The following EPHB2 variants were observed in gnomAD, a reference collection of about 807,000 sequenced individuals.
The protein encoded by EPHB2 is EPH receptor B2.
Under a neutral mutation model 96.4 loss-of-function variants are expected in EPHB2, and 18 were observed. The ratio of observed to expected loss-of-function variants is 0.19; its 90% CI spans 0.13 to 0.28. EPHB2 has a LOEUF of 0.28. Ranked by LOEUF, EPHB2 falls within the 10% of genes least tolerant of loss-of-function variation. The probability of loss-of-function intolerance (pLI) is 1.00; values close to 1 mark genes in which losing one functional copy is unlikely to be tolerated. For missense variants in EPHB2, 989 were observed against 1,355.4 expected (o/e 0.73, Z 4.25); for synonymous variants, 506 against 534.1 (o/e 0.95, Z 0.72).
At chr1:22,770,264 G>A (rs1166494445) in intron 1 of EPHB2, among the ~76,000 whole-genome samples, 1 of 152,130 alleles carries the variant, frequency 6.6e-6, no homozygotes, top group Non-Finnish European at 1.5e-5. Flanking sequence ...TGGATGGTTG[G>A]AAAGATAGAT....
At chr1:22,782,504 G>T (rs949623358) in intron 2 of EPHB2, among the ~76,000 whole-genome samples, 1 of 150,974 alleles carries the variant, frequency 6.6e-6, no homozygotes, top group African/African-American at 2.4e-5. Context: ...GGGCCCCAGG[G>T]TCAGGCCGCT....
At chr1:22,748,221 T>G (rs1421699340) in intron 1 of EPHB2, among the ~76,000 whole-genome samples, 1 of 152,228 alleles carries the variant, frequency 6.6e-6, no homozygotes, top group African/African-American at 2.4e-5. Flanking sequence ...AAGCACTCAG[T>G]AAGTTTGGCT....
chr1:22,746,697 T>A (rs750365590), intron 1 of EPHB2, among the ~76,000 whole-genome samples: 1 of 152,222 alleles, frequency 6.6e-6, no homozygotes, highest in Non-Finnish European at 1.5e-5. Flanking sequence ...AATCCTGACC[T>A]CCTTCTGCAC....
Position 22,784,400 on chromosome 1 carries a change from G to C in EPHB2, c.135G>C (p.Glu45Asp). Residue 45 changes from glutamate to aspartate, a missense_variant, in exon 3 of 16, where the codon GAG becomes GAC. By Grantham distance (45) the Glu-to-Asp change is conservative. Transcript: ENST00000374630. The surrounding 1 kb of genome is among the most constrained non-coding windows in gnomAD (Gnocchi z 5.1). ...WMVHPPSGWE[E>D]VSGYDENMNT... ...GAGCATTTTACCCACAGTGGGAAGA[G>C]GTGAGTGGCTACGATGAGAACATGA... 1 of 1,614,150 alleles carries C rather than the reference G, an allele frequency of 6.2e-7. No individual in the cohort carries two copies. Among genetic ancestry groups the C allele is most frequent in the Non-Finnish European group, 8.5e-7 (1 of 1,180,036 alleles).
At chr1:22,853,619 T>A (rs1455959715) in intron 3 of EPHB2, among the ~76,000 whole-genome samples, 1 of 152,102 alleles carries the variant, frequency 6.6e-6, no homozygotes, top group African/African-American at 2.4e-5. Flanking sequence ...AGGAGCTGGG[T>A]GGGAGCTGGG....
intron 6 of EPHB2, among the ~76,000 whole-genome samples, chr1:22,886,620 CT>C (rs869229952): frequency 0.046 from 4,442 of 96,152 alleles, 192 homozygotes; most frequent in African/African-American, 0.16. Context: ...CCAGCAGAGT[CT>C]TTTTTTTTTT....
At chr1:22,762,395 G>A (rs1007370043) in intron 1 of EPHB2, among the ~76,000 whole-genome samples, 1 of 152,192 alleles carries the variant, frequency 6.6e-6, no homozygotes, top group Non-Finnish European at 1.5e-5. Flanking sequence ...GTGGCAGAAA[G>A]GAAGGTAGCC....
rs962838493 is a variant in EPHB2 at position 22,883,180 on chromosome 1, C to T, written c.1428+697C>T. The stretch of plus-strand genomic sequence containing the variant: ...TGTCGAGTGTGGGTGAGACCCCTCG[C>T]GGGGAGCTATGCAGGTTACGGAGAA... On this transcript the variant is annotated intron_variant, in intron 6 of 15. Transcript: ENST00000374630. Among the ~76,000 whole-genome samples, 7 of 152,224 alleles carry T rather than the reference C, an allele frequency of 4.6e-5. 1 individual carries two copies. Among genetic ancestry groups the T allele is most frequent in the African/African-American group, 7.2e-5 (3 of 41,462 alleles).
intron 3 of EPHB2, among the ~76,000 whole-genome samples, chr1:22,794,350 A>T (rs1358876764): frequency 6.6e-6 from 1 of 152,088 alleles, no homozygotes; most frequent in African/African-American, 2.4e-5. Flanking sequence ...CAGTCCCAGG[A>T]CGAAGGCTCG....
intron 1 of EPHB2, among the ~76,000 whole-genome samples, chr1:22,716,657 C>A (rs895794521): frequency 2.0e-5 from 3 of 152,182 alleles, no homozygotes; most frequent in Non-Finnish European, 4.4e-5. Flanking sequence ...ATTCTATGGG[C>A]CAGTTTGCTG....
At chr1:22,815,540 C>T (rs1187377926) in intron 3 of EPHB2, among the ~76,000 whole-genome samples, 1 of 152,200 alleles carries the variant, frequency 6.6e-6, no homozygotes, top group Non-Finnish European at 1.5e-5. Flanking sequence ...TGGGTGCAGC[C>T]AGCCCACGCT....
intron 1 of EPHB2, among the ~76,000 whole-genome samples, chr1:22,724,568 TA>T (rs1277001289): frequency 6.6e-6 from 1 of 152,228 alleles, no homozygotes; most frequent in Non-Finnish European, 1.5e-5. Flanking sequence ...AGAAGTTAAA[TA>T]ACTCGTTGCA....
chr1:22,763,078 C>T lies in EPHB2; in HGVS notation c.62-18343C>T, dbSNP rs567953015. Among the ~76,000 whole-genome samples, 8 of 152,258 alleles carry T rather than the reference C, an allele frequency of 5.3e-5. No homozygotes were observed. The South Asian group carries it at 1.0e-3, about 20-fold the overall frequency. On this transcript the variant is annotated intron_variant, in intron 1 of 15. Coordinates refer to ENST00000374630, the MANE Select transcript of EPHB2 (RefSeq NM_017449.5). ...CCCTGGATCCACACAGCTAGGCCCA[C>T]GCAGGGGTTCCCTGCCAGGATCTGA... is the stretch of plus-strand genomic sequence containing the variant.
chr1:22,864,960 G>A lies in EPHB2; in HGVS notation c.1051G>A (p.Gly351Arg), dbSNP rs918290908. Residue 351 changes from glycine (G) to arginine (R), a missense_variant, in exon 5 of 16, where the codon GGA becomes AGA. Physicochemically the swap from Gly to Arg is moderately radical, Grantham distance 125 (BLOSUM62 -2). Coordinates refer to ENST00000374630, the MANE Select transcript of EPHB2 (RefSeq NM_017449.5). ...GGAGTGGACCCCTCCCCGCGACTCC[G>A]GAGGCCGAGAGGACCTCGTCTACAA... is the stretch of plus-strand genomic sequence containing the variant. The part of the protein sequence containing the change: ...MLEWTPPRDS[G>R]GREDLVYNII... 4 of 1,604,644 alleles carry A rather than the reference G, an allele frequency of 2.5e-6. No homozygotes were observed. Among genetic ancestry groups the A allele is most frequent in the Non-Finnish European group, 3.4e-6 (4 of 1,174,290 alleles).
intron 1 of EPHB2, among the ~76,000 whole-genome samples, chr1:22,734,387 T>G (rs1643780351): frequency 6.6e-6 from 1 of 151,624 alleles, no homozygotes; most frequent in Non-Finnish European, 1.5e-5. Flanking sequence ...CAGAGATATA[T>G]ACACTCAATA....
chr1:22,842,077 C>T (rs1189475530), intron 3 of EPHB2, among the ~76,000 whole-genome samples: 2 of 152,064 alleles, frequency 1.3e-5, no homozygotes, highest in Admixed American at 6.5e-5. Flanking sequence ...CAGGAGAACC[C>T]TAAAAATGGA....
intron 3 of EPHB2, among the ~76,000 whole-genome samples, chr1:22,833,186 C>T (rs149817700): frequency 1.9e-4 from 29 of 152,132 alleles, no homozygotes; most frequent in African/African-American, 6.8e-4. Flanking sequence ...GGCGCAGTCT[C>T]GGCTCGCTGC....
At chr1:22,872,309 ACT>A (rs1034455438) in intron 5 of EPHB2, among the ~76,000 whole-genome samples, 4 of 151,754 alleles carry the variant, frequency 2.6e-5, no homozygotes, top group African/African-American at 7.3e-5. Flanking sequence ...TGGTTCTTTG[ACT>A]CTCTGCTGGG....
intron 11 of EPHB2, among the ~76,000 whole-genome samples, chr1:22,907,658 G>C (rs1239700235): frequency 6.6e-6 from 1 of 152,224 alleles, no homozygotes; most frequent in Non-Finnish European, 1.5e-5. Context: ...TTAACACACA[G>C]ATGAGGAAAC....
Sources: allele counts gnomAD v4.1 joint callset (sites outside exome capture counted in the v4.1 genomes callset), GRCh38; gene constraint gnomAD v4.1.1; non-coding constraint Gnocchi (gnomAD v3.1); transcripts MANE v1.5; gene names NCBI Gene and HGNC (gene_info 2026-07-23, HGNC 2026-07-21).